Variants in GADL1 observed in about 807,000 individuals in gnomAD.
The protein encoded by GADL1 is GAD like acidic amino acid decarboxylase 1.
Under a neutral mutation model 69.5 loss-of-function variants are expected in GADL1, and 71 were observed. The observed-to-expected ratio is 1.02, with a 90% CI of 0.84 to 1.25. The LOEUF is 1.25. Ranked by LOEUF, GADL1 falls within the 50% of genes most tolerant of loss-of-function variation. The pLI, the probability that GADL1 is intolerant of heterozygous loss-of-function variation, is 0.00. For synonymous variants in GADL1, 254 were observed against 214.4 expected (o/e 1.18, Z -1.62); for missense variants, 737 against 631.8 (o/e 1.17, Z -1.79).
At chr3:30,746,004 C>G (rs1046490877) in intron 14 of GADL1, among the ~76,000 whole-genome samples, 1 of 140,110 alleles carries the variant, frequency 7.1e-6, no homozygotes, top group African/African-American at 2.6e-5. Flanking sequence ...TTCTTTTTTC[C>G]TTTTATTGCA....
chr3:30,749,287 A>T (rs1006954029), intron 14 of GADL1, among the ~76,000 whole-genome samples: 6 of 152,224 alleles, frequency 3.9e-5, no homozygotes, highest in African/African-American at 1.4e-4. Flanking sequence ...AAAAGGTTAC[A>T]TAAGGTCTGA....
At chr3:30,775,978 G>T (rs1022679064) in intron 14 of GADL1, among the ~76,000 whole-genome samples, 2 of 152,090 alleles carry the variant, frequency 1.3e-5, no homozygotes, top group African/African-American at 4.8e-5. Flanking sequence ...ACAGCTACTC[G>T]GGAGACTAGG....
chr3:30,732,970 G>A (rs1575177106), intron 14 of GADL1, among the ~76,000 whole-genome samples: 1 of 152,052 alleles, frequency 6.6e-6, no homozygotes, highest in East Asian at 1.9e-4. Flanking sequence ...GGCACGGGAC[G>A]CAGGGGTTGT....
At chr3:30,864,504 C>G (rs1698368110) in intron 1 of GADL1, among the ~76,000 whole-genome samples, 1 of 151,948 alleles carries the variant, frequency 6.6e-6, no homozygotes, top group Non-Finnish European at 1.5e-5. Context: ...ATAATTCACA[C>G]AATTATCTAG....
chr3:30,754,400 A>G lies in GADL1; in HGVS notation c.1392+23779T>C, dbSNP rs530328417. 2.6e-5 allele frequency among the ~76,000 whole-genome samples: 4 copies of G among 152,324 alleles called. No homozygotes were observed. The South Asian group carries it at 8.3e-4, about 32-fold the overall frequency. On this transcript the variant is annotated intron_variant, in intron 14 of 14. Transcript: ENST00000282538. ...TGTTGGGGCTACATTCTGATAGGATATATTCAACCATAAGCCTTAAAAGCA... is the reference window on the plus strand; with the variant it reads ...TGTTGGGGCTACATTCTGATAGGATGTATTCAACCATAAGCCTTAAAAGCA...
At chr3:30,750,726 C>A (rs1039039643) in intron 14 of GADL1, among the ~76,000 whole-genome samples, 1 of 151,986 alleles carries the variant, frequency 6.6e-6, no homozygotes, top group Non-Finnish European at 1.5e-5. Flanking sequence ...TATACATATA[C>A]GTATATGTAA....
chr3:30,801,718 A>C (rs1436769633), intron 11 of GADL1, among the ~76,000 whole-genome samples: 1 of 152,164 alleles, frequency 6.6e-6, no homozygotes, highest in Non-Finnish European at 1.5e-5. Context: ...GTTATCATTA[A>C]GAAATGGGTG....
chr3:30,778,119 A>G (rs572463313), intron 14 of GADL1, 60 bp downstream of exon 14: 1 of 932,756 alleles, frequency 1.1e-6, no homozygotes, highest in East Asian at 2.4e-5. Flanking sequence ...TAGGATCAAC[A>G]GATAATGTAC....
At position 30,851,861 on chromosome 3, in the gene GADL1, C is replaced by T. The variant is rs146093492; in HGVS notation, c.429-920G>A. Among the ~76,000 whole-genome samples the T allele has an allele frequency of 3.5e-4, 53 of 152,250 alleles. No homozygotes were observed. The South Asian group carries it at 6.6e-3, about 19-fold the overall frequency. On this transcript the variant is annotated intron_variant, in intron 4 of 14. Transcript: ENST00000282538. Reference sequence around the variant, plus strand: ...GATCCCAAGGGTACTCCTTAATAAACGTCCCACTCACTAAACACCATCTAG... The same window carrying T: ...GATCCCAAGGGTACTCCTTAATAAATGTCCCACTCACTAAACACCATCTAG...
chr3:30,754,481 C>A (rs17029875), intron 14 of GADL1, among the ~76,000 whole-genome samples: 1 of 133,606 alleles, frequency 7.5e-6, no homozygotes, highest in Non-Finnish European at 1.8e-5. Context: ...GACGGACTCT[C>A]GAATCTTCAG....
At chr3:30,767,872 TATAAG>T (rs1239590070) in intron 14 of GADL1, among the ~76,000 whole-genome samples, 2 of 152,142 alleles carry the variant, frequency 1.3e-5, no homozygotes, top group South Asian at 2.1e-4. Context: ...TATTCAAATT[TATAAG>T]GAAAAACATC....
At position 30,786,395 on chromosome 3, in the gene GADL1, T is replaced by A. The variant is rs1553638992; in HGVS notation, c.1262A>T (p.Asp421Val). ...RALALSRYLV[D>V]EIKKREGFKL... ...GAATCCTTCTCTTTTCTTGATTTCA[T>A]CTACTAGGTACCTAAAATTAAAAGT... The change falls in exon 13 of 15, where the codon GAT (aspartate) becomes GTT (valine). Residue 421 changes from aspartate to valine, a missense_variant. Asp to Val is a radical substitution (Grantham distance 152). Coordinates refer to ENST00000282538, the MANE Select transcript of GADL1 (RefSeq NM_207359.3). The A allele has an allele frequency of 2.7e-6, 4 of 1,484,786 alleles. No homozygotes were observed. In the Middle Eastern group the frequency reaches 5.2e-4, roughly 193 times the overall value. 92.0% of individuals were successfully genotyped at this position (1,484,786 alleles called of 1,614,324 possible). A position where few individuals can be genotyped will look rare whatever the true frequency, so the allele number is the denominator to read the frequency against.
intron 14 of GADL1, among the ~76,000 whole-genome samples, chr3:30,752,021 A>G (rs1221152006): frequency 6.6e-6 from 1 of 152,158 alleles, no homozygotes; most frequent in Non-Finnish European, 1.5e-5. Context: ...CTGAAATTAA[A>G]CCCAGTAGGC....
In GADL1 at chr3:30,792,056, G is replaced by A. The variant is rs546884880; in HGVS notation, c.1251-5650C>T. ...ATGTCTTTACTAGCAGCATGAGAACGGACTGATACACCCAGTGTAACACTC... is the reference window on the plus strand; with the variant it reads ...ATGTCTTTACTAGCAGCATGAGAACAGACTGATACACCCAGTGTAACACTC... On this transcript the variant is annotated intron_variant, in intron 12 of 14. Coordinates refer to ENST00000282538, the MANE Select transcript of GADL1 (RefSeq NM_207359.3). Among the ~76,000 whole-genome samples the A allele has an allele frequency of 8.5e-5, 13 of 152,176 alleles. No homozygotes were observed. The East Asian group carries it at 1.7e-3, about 20-fold the overall frequency.
chr3:30,835,814 TAA>T (rs1190489026), intron 9 of GADL1, among the ~76,000 whole-genome samples: 2 of 152,020 alleles, frequency 1.3e-5, no homozygotes, highest in African/African-American at 2.4e-5. Flanking sequence ...GATTCCCAGG[TAA>T]AGAGTTAGTA....
chr3:30,866,201 C>A (rs1299412626), intron 1 of GADL1, among the ~76,000 whole-genome samples: 1 of 151,924 alleles, frequency 6.6e-6, no homozygotes, highest in Non-Finnish European at 1.5e-5. Flanking sequence ...TTCACACCTG[C>A]AATCTCAGCA....
At chr3:30,738,693 T>C (rs1360018992) in intron 14 of GADL1, among the ~76,000 whole-genome samples, 1 of 152,196 alleles carries the variant, frequency 6.6e-6, no homozygotes, top group Non-Finnish European at 1.5e-5. Flanking sequence ...TATTTCTGAA[T>C]ATTGTGTCTG....
intron 8 of GADL1, among the ~76,000 whole-genome samples, chr3:30,842,699 C>A (rs948949520): frequency 3.3e-5 from 5 of 151,078 alleles, no homozygotes; most frequent in Non-Finnish European, 4.4e-5. Context: ...AACTAGAAAA[C>A]AATATCTGTG....
chr3:30,884,897 G>A (rs1698683883), intron 1 of GADL1, among the ~76,000 whole-genome samples: 1 of 151,962 alleles, frequency 6.6e-6, no homozygotes, highest in African/African-American at 2.4e-5. Flanking sequence ...GGTAAGCAGT[G>A]TTGTTTCTTA....
Sources: gnomAD v4.1 joint callset for allele counts (sites outside exome capture counted in the v4.1 genomes callset) on GRCh38, gnomAD v4.1.1 for gene constraint, MANE v1.5 for transcripts, NCBI Gene and HGNC (gene_info 2026-07-23, HGNC 2026-07-21) for gene names.